Variants in ALPK3 observed in about 807,000 individuals in gnomAD.
ALPK3 encodes the protein alpha-protein kinase 3.
ALPK3 carries 102 observed loss-of-function variants against 140.0 expected under a neutral mutation model. The observed-to-expected ratio is 0.73, with a 90% CI of 0.62 to 0.86. The LOEUF is 0.86. Ranked by LOEUF, ALPK3 falls within the 40% of genes least tolerant of loss-of-function variation. The pLI is 0.00. For synonymous variants in ALPK3, 938 were observed against 898.5 expected (o/e 1.04, Z -0.79); for missense variants, 2,254 against 2,208.2 (o/e 1.02, Z -0.42).
intron 5 of ALPK3, among the ~76,000 whole-genome samples, chr15:84,854,201 A>T (rs1963835999): frequency 8.0e-6 from 1 of 125,038 alleles, no homozygotes; most frequent in African/African-American, 2.8e-5. Context: ...ATATAATACC[A>T]TTAATTATTT....
intron 5 of ALPK3, among the ~76,000 whole-genome samples, chr15:84,850,021 C>G (rs1412928878): frequency 7.7e-6 from 1 of 130,250 alleles, no homozygotes; most frequent in Non-Finnish European, 1.7e-5. Context: ...AAAGAAGACA[C>G]AAAATACAAG....
Position 84,857,023 on chromosome 15 carries a change from G to A in ALPK3, c.2285G>A (p.Gly762Glu), listed in dbSNP as rs267604353. The change falls in exon 6 of 14, where the codon GGG becomes GAG. Residue 762 changes from glycine (G) to glutamate (E), a missense_variant. Transcript: ENST00000258888. ...NIECFVQTPE[G>E]SCFPKKPGCL... ...GAATGTTTTGTACAGACCCCAGAAG[G>A]GTCTTGTTTCCCAAAAAAACCTGGT... 1 of 1,614,090 alleles carries A rather than the reference G, an allele frequency of 6.2e-7. No homozygotes were observed. The highest frequency in any genetic ancestry group is 1.7e-5 in the Admixed American group (1 of 60,010).
rs1190685778 is a variant in ALPK3, at chr15:84,850,877, T to TACACACACAC, written c.1654-5514_1654-5513insCACACACACA. The stretch of plus-strand genomic sequence containing the variant: ...TCTCATATCTTTACACAGTTCCAGA[T>TACACACACAC]ATACACACACACACACACACACACA... On this transcript the variant is annotated intron_variant, in intron 5 of 13. Coordinates refer to ENST00000258888, the MANE Select transcript of ALPK3 (RefSeq NM_020778.5). Among the ~76,000 whole-genome samples, 100 of 90,420 alleles carry TACACACACAC rather than the reference T, an allele frequency of 1.1e-3. 1 individual carries two copies. In the Middle Eastern group the frequency reaches 0.033, roughly 30 times the overall value. The allele number at this position is 90,420 out of a possible 152,430, so 59.3% of individuals were successfully genotyped here.
intron 1 of ALPK3, among the ~76,000 whole-genome samples, chr15:84,818,395 G>A (rs921876497): frequency 9.2e-5 from 14 of 152,198 alleles, no homozygotes; most frequent in African/African-American, 3.4e-4. Context: ...AGGCACACAG[G>A]CACACGTGGA....
chr15:84,858,030 G>T lies in ALPK3; in HGVS notation c.3292G>T (p.Glu1098Ter), dbSNP rs762559979. 4 of 1,572,974 alleles carry T rather than the reference G, an allele frequency of 2.5e-6. No individual in the cohort carries two copies. Residue 1098 changes from glutamate to a stop codon, truncating the protein, a stop_gained, in exon 6 of 14, where the codon GAG (glutamate) becomes TAG (stop). Transcript: ENST00000258888. LOFTEE classifies it high-confidence loss of function. ...ASEGEGEVSP[E>*]GPGLLGASQE... ...TGAGGGTGAAGGAGAGGTTTCCCCT[G>T]AGGGGCCTGGCCTCCTGGGGGCCTC...
rs35292668 is a variant in ALPK3, at chr15:84,857,335, C to T, written c.2597C>T (p.Thr866Met). The change falls in exon 6 of 14, where the codon ACG becomes ATG. Residue 866 changes from threonine to methionine, a missense_variant. Thr to Met is a moderately conservative substitution (Grantham distance 81). Transcript: ENST00000258888. ...PLAGLSQEVPTMPSLPGTGLT... is the reference protein window; with the variant it reads ...PLAGLSQEVPMMPSLPGTGLT... ...GCTGGCCTGAGCCAGGAGGTACCCA[C>T]GATGCCTTCTCTTCCTGGAACTGGG... 1,361 of 1,614,166 alleles carry T rather than the reference C, an allele frequency of 8.4e-4. 10 individuals are homozygous for T. In the African/African-American group the frequency reaches 0.013, roughly 15 times the overall value.
intron 2 of ALPK3, among the ~76,000 whole-genome samples, chr15:84,825,537 G>A (rs1161836480): frequency 6.6e-6 from 1 of 152,146 alleles, no homozygotes; most frequent in Non-Finnish European, 1.5e-5. Flanking sequence ...TAGTTTCCCT[G>A]TTGTCTCACT....
chr15:84,857,186 G>C lies in ALPK3; in HGVS notation c.2448G>C (p.Glu816Asp), dbSNP rs1238666108. The C allele has an allele frequency of 6.2e-7, 1 of 1,613,862 alleles. No individual in the cohort carries two copies. The highest frequency in any genetic ancestry group is 8.5e-7 in the Non-Finnish European group (1 of 1,179,912). Reference protein sequence around the residue: ...HEGSVEQVGGERCRGPQSSGP... With the variant: ...HEGSVEQVGGDRCRGPQSSGP... ...GGAGTGTGGAGCAGGTGGGAGGAGA[G>C]AGATGCCGAGGGCCACAGTCATCAG... Residue 816 changes from glutamate (E) to aspartate (D), a missense_variant, in exon 6 of 14, where the codon GAG (glutamate) becomes GAC (aspartate). By Grantham distance (45) the Glu-to-Asp change is conservative. This residue lies in a region of ALPK3 where 2,088 missense variants were observed against 2,022.9 expected (regional missense o/e 1.03). Coordinates refer to ENST00000258888, the MANE Select transcript of ALPK3 (RefSeq NM_020778.5).
intron 5 of ALPK3, chr15:84,852,557 T>C: frequency 3.3e-6 from 1 of 302,454 alleles, no homozygotes; most frequent in Non-Finnish European, 6.6e-6. Context: ...TAGAGAGAAC[T>C]TCCATCTTTG....
intron 3 of ALPK3, among the ~76,000 whole-genome samples, chr15:84,838,734 C>T (rs1963622799): frequency 6.6e-6 from 1 of 151,852 alleles, no homozygotes; most frequent in Admixed American, 6.6e-5. Context: ...ATTCTCCTGC[C>T]TCAGCCTCTC....
In ALPK3 at chr15:84,859,789, G is replaced by C; in HGVS notation, c.3979G>C (p.Gly1327Arg). 6.2e-7 allele frequency: 1 copy of C among 1,612,628 alleles called. No individual in the cohort carries two copies. Among genetic ancestry groups the C allele is most frequent in the Non-Finnish European group, 8.5e-7 (1 of 1,179,832 alleles). Residue 1327 changes from glycine (G) to arginine (R), a missense_variant, in exon 8 of 14, where the codon GGG becomes CGG. Physicochemically the swap from Gly to Arg is moderately radical, Grantham distance 125. Coordinates refer to ENST00000258888, the MANE Select transcript of ALPK3 (RefSeq NM_020778.5). Reference sequence around the variant, plus strand: ...TCCACTCTGCAGCGCAGGGGATGAGGGGCCGGCGGCCTTGGCCATCGTGCA... The same window carrying C: ...TCCACTCTGCAGCGCAGGGGATGAGCGGCCGGCGGCCTTGGCCATCGTGCA... ...GEVGRSAGDE[G>R]PAALAIVQAS...
intron 5 of ALPK3, among the ~76,000 whole-genome samples, chr15:84,849,995 C>G (rs924556985): frequency 2.4e-5 from 3 of 125,578 alleles, no homozygotes; most frequent in African/African-American, 8.5e-5. Context: ...TCTGGCAAGA[C>G]TTAGAAAAAA....
intron 3 of ALPK3, among the ~76,000 whole-genome samples, chr15:84,834,833 C>A (rs1963582102): frequency 6.6e-6 from 1 of 152,228 alleles, no homozygotes; most frequent in African/African-American, 2.4e-5. Context: ...AAATGCACAG[C>A]TGGGAGTGAA....
chr15:84,864,394 C>G (rs2141573929), intron 11 of ALPK3, 48 bp from the exon 12 acceptor site: 1 of 1,564,042 alleles, frequency 6.4e-7, no homozygotes, highest in South Asian at 1.1e-5. Context: ...GAGGGAGGAG[C>G]TCTCTGGGCC....
rs199741089 is a variant in ALPK3, at chr15:84,862,728, G to T, written c.4223G>T (p.Ser1408Ile). Residue 1408 changes from serine to isoleucine, a missense_variant, in exon 10 of 14, where the codon AGC becomes ATC. Around this residue, in one of 3 missense-constraint regions of ALPK3, gnomAD observed 2,088 missense variants for 2,022.9 expected, o/e 1.03. Transcript: ENST00000258888. ...WGDKLFGRLV[S>I]EELRGGGYGC... ...GACAAGCTCTTTGGGCGACTGGTAA[G>T]CGAGGAGCTCCGAGGGGGTGGATAT... 13 of 1,614,086 alleles carry T rather than the reference G, an allele frequency of 8.1e-6. No homozygotes were observed. The highest frequency in any genetic ancestry group is 1.1e-5 in the Non-Finnish European group (13 of 1,180,038).
intron 3 of ALPK3, among the ~76,000 whole-genome samples, chr15:84,831,866 T>C (rs966018116): frequency 6.6e-6 from 1 of 152,198 alleles, no homozygotes; most frequent in African/African-American, 2.4e-5. Context: ...TTCCTTCCTC[T>C]TGAACTTGCT....
chr15:84,823,933 T>C lies in ALPK3; in HGVS notation c.182+565T>C, dbSNP rs532723997. Among the ~76,000 whole-genome samples, 6 of 152,356 alleles carry C rather than the reference T, an allele frequency of 3.9e-5. No individual in the cohort carries two copies. In the South Asian group the frequency reaches 1.2e-3, roughly 32 times the overall value. On this transcript the variant is annotated intron_variant, in intron 2 of 13. Coordinates refer to ENST00000258888, the MANE Select transcript of ALPK3 (RefSeq NM_020778.5). ...CTCACTGTGTTCCCTGGTCTTGAAC[T>C]CCTGGCTCCAAGGGATCCTCCTGCC... is the stretch of plus-strand genomic sequence containing the variant.
intron 3 of ALPK3, among the ~76,000 whole-genome samples, chr15:84,837,631 G>A (rs373556663): frequency 7.9e-5 from 12 of 152,266 alleles, no homozygotes; most frequent in East Asian, 3.9e-4. Flanking sequence ...AGCAAGTAAC[G>A]CAGATCAGTC....
At chr15:84,831,997 G>C (rs1425069499) in intron 3 of ALPK3, among the ~76,000 whole-genome samples, 1 of 152,162 alleles carries the variant, frequency 6.6e-6, no homozygotes, top group Admixed American at 6.5e-5. Context: ...TCATAGAATA[G>C]TCATGCCCTC....
Sources: allele counts gnomAD v4.1 joint callset (sites outside exome capture counted in the v4.1 genomes callset), GRCh38; gene constraint gnomAD v4.1.1; regional missense constraint gnomAD v4.1.1; transcripts MANE v1.5; gene names NCBI Gene and HGNC (gene_info 2026-07-23, HGNC 2026-07-21).